Variants in FAT4 observed in about 807,000 individuals in gnomAD.
The protein encoded by FAT4 is protocadherin Fat 4.
FAT4 carries 84 observed loss-of-function variants against 303.9 expected under a neutral mutation model. That is an observed-to-expected ratio of 0.28 (90% CI 0.23 to 0.33). The LOEUF (loss-of-function observed/expected upper bound fraction) is 0.33. Among genes scored for constraint, FAT4 ranks in the 10% least tolerant of loss-of-function variants. FAT4 has a pLI of 1.00. For synonymous variants in FAT4, 2,307 were observed against 2,298.8 expected (o/e 1.00, Z -0.10); for missense variants, 6,005 against 6,146.8 (o/e 0.98, Z 0.77).
At position 125,319,437 on chromosome 4, in the gene FAT4, A is replaced by T. The variant is rs1487193065; in HGVS notation, c.3026A>T (p.Glu1009Val). 6.2e-7 allele frequency: 1 copy of T among 1,613,942 alleles called. No individual in the cohort carries two copies. The highest frequency in any genetic ancestry group is 1.7e-5 in the Admixed American group (1 of 60,030). Residue 1009 changes from glutamate (E) to valine (V), a missense_variant, in exon 2 of 18, where the codon GAA becomes GTA. Physicochemically the swap from Glu to Val is moderately radical, Grantham distance 121. Transcript: ENST00000394329. ...LSYEVTLSESEPVNSRFFKVQ... is the reference protein window; with the variant it reads ...LSYEVTLSESVPVNSRFFKVQ... ...TATGAAGTCACCCTTTCTGAGTCAG[A>T]ACCTGTGAATTCTCGATTCTTTAAA...
At chr4:125,374,455 A>C (rs1357222659) in intron 2 of FAT4, among the ~76,000 whole-genome samples, 1 of 152,226 alleles carries the variant, frequency 6.6e-6, no homozygotes, top group African/African-American at 2.4e-5. Context: ...AGGTGCTATC[A>C]ATAAGAAGCC....
At chr4:125,380,888 A>C (rs1049154082) in intron 2 of FAT4, among the ~76,000 whole-genome samples, 1 of 152,212 alleles carries the variant, frequency 6.6e-6, no homozygotes, top group African/African-American at 2.4e-5. Context: ...ATTTCAGGGC[A>C]GGAAAACCTA....
chr4:125,354,010 G>A (rs1296844580), intron 2 of FAT4, among the ~76,000 whole-genome samples: 1 of 151,696 alleles, frequency 6.6e-6, no homozygotes, highest in Non-Finnish European at 1.5e-5. Context: ...TCTTGCAAAA[G>A]TGAGTGTAAT....
intron 5 of FAT4, 108 bp downstream of exon 5, chr4:125,408,902 A>G (rs1734734310): frequency 1.8e-6 from 1 of 553,730 alleles, no homozygotes; most frequent in African/African-American, 2.0e-5. Flanking sequence ...TTTTGTGAAT[A>G]TAGGTTGGAA....
chr4:125,480,020 A>G (rs1727168750), intron 15 of FAT4, among the ~76,000 whole-genome samples, 155 bp downstream of exon 15: 1 of 152,246 alleles, frequency 6.6e-6, no homozygotes, highest in East Asian at 1.9e-4. Context: ...GTGACATTTT[A>G]AAAATTATTT....
intron 2 of FAT4, among the ~76,000 whole-genome samples, chr4:125,351,169 C>T (rs1423305441): frequency 6.6e-6 from 1 of 151,622 alleles, no homozygotes; most frequent in Non-Finnish European, 1.5e-5. Context: ...AATTAACTTA[C>T]ATTCAAATGC....
chr4:125,445,906 A>C (rs1408872240), intron 8 of FAT4, among the ~76,000 whole-genome samples: 1 of 152,134 alleles, frequency 6.6e-6, no homozygotes, highest in Non-Finnish European at 1.5e-5. Context: ...CAGAAAAATA[A>C]TTTTTAGTTT....
In FAT4 at chr4:125,416,387, A is replaced by G. The variant is rs1411710711; in HGVS notation, c.6844-61A>G. 3.5e-6 allele frequency: 5 copies of G among 1,419,322 alleles called. No individual in the cohort carries two copies. The African/African-American group carries it at 5.8e-5, about 16-fold the overall frequency. 87.9% of individuals were successfully genotyped at this position (1,419,322 alleles called of 1,614,324 possible). On this transcript the variant is annotated intron_variant, in intron 6 of 17. Transcript: ENST00000394329. ...TACCTCATTTTTTTTTAATGGAGGCATTTTATTTCATGAGATGCATTGTTT... is the reference window on the plus strand; with the variant it reads ...TACCTCATTTTTTTTTAATGGAGGCGTTTTATTTCATGAGATGCATTGTTT...
At chr4:125,413,968 T>A (rs1734942773) in intron 5 of FAT4, among the ~76,000 whole-genome samples, 1 of 152,048 alleles carries the variant, frequency 6.6e-6, no homozygotes, top group South Asian at 2.1e-4. Flanking sequence ...GGATGTACAG[T>A]ACGTTTTTAT....
Position 125,481,626 on chromosome 4 carries a change from G to A in FAT4, c.12710G>A (p.Gly4237Asp), listed in dbSNP as rs767791369. ...REYLLRQSLR[G>D]AMLEPFGVNS... Reference sequence around the variant, plus strand: ...TATTTGTTAAGGCAAAGCTTACGAGGTGCCATGTTGGAGCCTTTTGGTGTG... The same window carrying A: ...TATTTGTTAAGGCAAAGCTTACGAGATGCCATGTTGGAGCCTTTTGGTGTG... The change falls in exon 16 of 18, where the codon GGT becomes GAT. Residue 4237 changes from glycine (G) to aspartate (D), a missense_variant. Transcript: ENST00000394329. The A allele has an allele frequency of 9.3e-6, 15 of 1,614,078 alleles. No homozygotes were observed. The highest frequency in any genetic ancestry group is 1.2e-5 in the Non-Finnish European group (14 of 1,179,964).
At chr4:125,408,380 T>G in intron 4 of FAT4, 64 bp from the exon 5 acceptor site, 1 of 1,085,590 alleles carries the variant, frequency 9.2e-7, no homozygotes. Flanking sequence ...TCTCTTTCTA[T>G]ATGTTCTCTT....
intron 7 of FAT4, among the ~76,000 whole-genome samples, chr4:125,425,623 T>C (rs1303818335): frequency 6.6e-6 from 1 of 152,116 alleles, no homozygotes; most frequent in Non-Finnish European, 1.5e-5. Context: ...ACAAAGCGAA[T>C]CTTAGATATT....
rs773916430 is a variant in FAT4, at chr4:125,490,017, C to T, written c.13201C>T (p.Arg4401Cys). 17 of 1,613,834 alleles carry T rather than the reference C, an allele frequency of 1.1e-5. No individual in the cohort carries two copies. The African/African-American group carries it at 1.2e-4, about 11-fold the overall frequency. The change falls in exon 18 of 18, where the codon CGT becomes TGT. Residue 4401 changes from arginine (R) to cysteine (C), a missense_variant. Coordinates refer to ENST00000394329, the MANE Select transcript of FAT4 (RefSeq NM_001291303.3). The part of the protein sequence containing the change: ...KTDPSVKIGC[R>C]GPNICASNPC... ...AGATCCCTCAGTGAAGATTGGCTGC[C>T]GTGGCCCGAACATTTGTGCCAGCAA...
intron 3 of FAT4, among the ~76,000 whole-genome samples, chr4:125,401,557 A>G (rs1046204208): frequency 6.6e-6 from 1 of 151,966 alleles, no homozygotes; most frequent in Non-Finnish European, 1.5e-5. Flanking sequence ...TACCTAACAT[A>G]TAAGTGTTAG....
chr4:125,369,730 G>T (rs1014980472), intron 2 of FAT4, among the ~76,000 whole-genome samples: 5 of 152,126 alleles, frequency 3.3e-5, no homozygotes, highest in African/African-American at 1.2e-4. Context: ...GAATGTTTTT[G>T]TTTCCCAAAC....
intron 2 of FAT4, among the ~76,000 whole-genome samples, chr4:125,383,389 G>A (rs1733612139): frequency 1.3e-5 from 2 of 152,200 alleles, no homozygotes; most frequent in East Asian, 3.9e-4. Flanking sequence ...GTGAGAAATG[G>A]AAGAATGGCT....
Position 125,318,208 on chromosome 4 carries a change from G to A in FAT4, c.1797G>A (p.Gly599=), listed in dbSNP as rs1730730359. 6.2e-7 allele frequency: 1 copy of A among 1,614,098 alleles called. No individual in the cohort carries two copies. The highest frequency in any genetic ancestry group is 1.7e-5 in the Admixed American group (1 of 60,002). ...CTGTGGTTGAGAATGCCCCAACAGG[G>A]ACAGAACTGTTGATGCTCAGGGCAA... ...DVSVVENAPT[G]TELLMLRATD... The change falls in exon 2 of 18, where the codon GGG becomes GGA. Residue 599 remains glycine, a synonymous_variant. Transcript: ENST00000394329.
At chr4:125,353,943 A>T (rs2036725) in intron 2 of FAT4, among the ~76,000 whole-genome samples, 79,392 of 151,416 alleles carry the variant, frequency 0.52, 20,866 homozygotes, top group Admixed American at 0.62. Flanking sequence ...ATTATACAAT[A>T]AAAAATTGTG....
In FAT4 at chr4:125,327,686, T is replaced by C. The variant is rs553903762; in HGVS notation, c.5175+6100T>C. On this transcript the variant is annotated intron_variant, in intron 2 of 17. Coordinates refer to ENST00000394329, the MANE Select transcript of FAT4 (RefSeq NM_001291303.3). ...TCCTGCTGCTAGATTTCTATAGACATAACTCATCTTCCAATGAATTTACAA... is the reference window on the plus strand; with the variant it reads ...TCCTGCTGCTAGATTTCTATAGACACAACTCATCTTCCAATGAATTTACAA... 2.6e-5 allele frequency among the ~76,000 whole-genome samples: 4 copies of C among 152,348 alleles called. No individual in the cohort carries two copies. In the East Asian group the frequency reaches 7.7e-4, roughly 29 times the overall value.
Sources: gnomAD v4.1 joint callset for allele counts (sites outside exome capture counted in the v4.1 genomes callset) on GRCh38, gnomAD v4.1.1 for gene constraint, MANE v1.5 for transcripts, NCBI Gene and HGNC (gene_info 2026-07-23, HGNC 2026-07-21) for gene names.